SLC22A11: variants seen among roughly 807,000 people sequenced by gnomAD.
SLC22A11 encodes solute carrier family 22 member 11.
A neutral mutation model predicts 49.4 loss-of-function variants in SLC22A11; 42 were observed. The observed-to-expected ratio is 0.85, with a 90% CI of 0.66 to 1.10. SLC22A11 has a LOEUF of 1.10. Among genes scored for constraint, SLC22A11 ranks in the 50% least tolerant of loss-of-function variants. The probability of loss-of-function intolerance (pLI) is 0.00; values close to 1 mark genes in which losing one functional copy is unlikely to be tolerated. For synonymous variants in SLC22A11, 304 were observed against 315.8 expected (o/e 0.96, Z 0.40); for missense variants, 685 against 731.6 (o/e 0.94, Z 0.74).
At chr11:64,570,669 A>G (rs543391387) in intron 9 of SLC22A11, among the ~76,000 whole-genome samples, 33 of 152,194 alleles carry the variant, frequency 2.2e-4, no homozygotes, top group Non-Finnish European at 4.3e-4. Flanking sequence ...CGATACAACA[A>G]CCACATGAGG....
intron 1 of SLC22A11, among the ~76,000 whole-genome samples, chr11:64,556,834 G>A (rs1229602676): frequency 2.0e-5 from 3 of 152,190 alleles, no homozygotes; most frequent in Non-Finnish European, 1.5e-5. Context: ...GAGGCTGGGG[G>A]CAGAGGGGGG....
Position 64,559,125 on chromosome 11 carries a change from C to T in SLC22A11, c.394-10C>T. The T allele has an allele frequency of 1.2e-6, 2 of 1,610,284 alleles. No individual in the cohort carries two copies. The highest frequency in any genetic ancestry group is 2.2e-5 in the South Asian group (2 of 90,998). ...CCCCCGAGCTGAGCCACTGCACCCT[C>T]CTCTTGCAGTGGGACCTGGTGTGCA... On this transcript the variant is annotated splice_polypyrimidine_tract_variant and intron_variant, in intron 1 of 9. Coordinates refer to ENST00000301891, the MANE Select transcript of SLC22A11 (RefSeq NM_018484.4).
At position 64,572,695 on chromosome 11, in the gene SLC22A11, C is replaced by T. The variant is rs2038719501; in HGVS notation, c.*1653C>T. ...GCTTATTAAGAAACGCAATCCAAAC[C>T]AAATCCCTCCCTGCTGAAAGCCCTC... On this transcript the variant is annotated 3_prime_UTR_variant, in exon 10 of 10. Transcript: ENST00000301891. The T allele has an allele frequency of 6.6e-6, 1 of 152,236 alleles. No homozygotes were observed. Among genetic ancestry groups the T allele is most frequent in the African/African-American group, 2.4e-5 (1 of 41,456 alleles). The allele number at this position is 152,236 out of a possible 1,614,324, so 9.4% of individuals were successfully genotyped here.
intron 1 of SLC22A11, among the ~76,000 whole-genome samples, chr11:64,557,920 C>T (rs1298953425): frequency 6.6e-6 from 1 of 151,836 alleles, no homozygotes; most frequent in Non-Finnish European, 1.5e-5. Context: ...GCCTCAGCCT[C>T]CCGAGTAGCT....
At chr11:64,566,943 G>T (rs913540055) in intron 6 of SLC22A11, among the ~76,000 whole-genome samples, 2 of 152,120 alleles carry the variant, frequency 1.3e-5, no homozygotes, top group African/African-American at 2.4e-5. Flanking sequence ...CCAGTGGGGT[G>T]GGGGAGTGGG....
rs763160182 is a variant in SLC22A11, at chr11:64,565,345, G to A, written c.1058+8G>A. On this transcript the variant is annotated splice_region_variant and intron_variant, in intron 6 of 9. Coordinates refer to ENST00000301891, the MANE Select transcript of SLC22A11 (RefSeq NM_018484.4). The surrounding 1 kb of genome is among the most constrained non-coding windows in gnomAD (Gnocchi z 4.1). Reference sequence around the variant, plus strand: ...CGCCATGCTGGTGGTGAAGTACGCCGTCCTGGTGTCCCTCCCCAAGGCAGG... The same window carrying A: ...CGCCATGCTGGTGGTGAAGTACGCCATCCTGGTGTCCCTCCCCAAGGCAGG... 25 of 1,544,784 alleles carry A rather than the reference G, an allele frequency of 1.6e-5. No homozygotes were observed. The highest frequency in any genetic ancestry group is 9.8e-5 in the Admixed American group (5 of 50,998).
intron 1 of SLC22A11, among the ~76,000 whole-genome samples, chr11:64,558,528 G>A (rs1485862083): frequency 2.0e-5 from 3 of 152,212 alleles, no homozygotes; most frequent in African/African-American, 7.2e-5. Flanking sequence ...AAATCCCAGT[G>A]AACCGTGCCA....
At chr11:64,570,852 C>T in intron 9 of SLC22A11, 127 bp from the exon 10 acceptor site, 1 of 810,246 alleles carries the variant, frequency 1.2e-6, no homozygotes, top group Non-Finnish European at 2.1e-6. Flanking sequence ...CTTGGGTACA[C>T]AGAAGGGAGT....
At chr11:64,568,847 G>C (rs1015293269) in intron 8 of SLC22A11, 69 bp downstream of exon 8, 6 of 1,414,764 alleles carry the variant, frequency 4.2e-6, no homozygotes, top group Non-Finnish European at 6.0e-6. Context: ...GGAAGGGAAA[G>C]AAGGGTCTGG....
chr11:64,571,405 A>G lies in SLC22A11; in HGVS notation c.*363A>G, dbSNP rs2038701933. On this transcript the variant is annotated 3_prime_UTR_variant, in exon 10 of 10. Coordinates refer to ENST00000301891, the MANE Select transcript of SLC22A11 (RefSeq NM_018484.4). Reference sequence around the variant, plus strand: ...GACTGGGTTCCAATCTCACCCCACCACATACAGAGCCCTCATCTGTGAAAT... The same window carrying G: ...GACTGGGTTCCAATCTCACCCCACCGCATACAGAGCCCTCATCTGTGAAAT... The G allele has an allele frequency of 1.6e-5, 4 of 252,900 alleles. No individual in the cohort carries two copies. Among genetic ancestry groups the G allele is most frequent in the Non-Finnish European group, 3.1e-5 (4 of 129,334 alleles). 15.7% of individuals were successfully genotyped at this position (252,900 alleles called of 1,614,324 possible).
Position 64,556,265 on chromosome 11 carries a change from G to T in SLC22A11, c.266G>T (p.Arg89Leu). The part of the protein sequence containing the change: ...NQGPHQCRRF[R>L]QPQWQLLDPN... ...GGGCCCCACCAGTGCCGCCGCTTCC[G>T]CCAGCCACAGTGGCAGCTCTTGGAC... Residue 89 changes from arginine (R) to leucine (L), a missense_variant, in exon 1 of 10, where the codon CGC (arginine) becomes CTC (leucine). Coordinates refer to ENST00000301891, the MANE Select transcript of SLC22A11 (RefSeq NM_018484.4). 6.2e-7 allele frequency: 1 copy of T among 1,611,780 alleles called. No individual in the cohort carries two copies. The highest frequency in any genetic ancestry group is 8.5e-7 in the Non-Finnish European group (1 of 1,179,770).
At chr11:64,557,046 T>C (rs1466315894) in intron 1 of SLC22A11, among the ~76,000 whole-genome samples, 1 of 152,158 alleles carries the variant, frequency 6.6e-6, no homozygotes, top group Non-Finnish European at 1.5e-5. Context: ...GCAGGGAGAC[T>C]TCAAGAAGCA....
chr11:64,562,111 TG>T lies in SLC22A11; in HGVS notation c.607del (p.Ala203ProfsTer10). The T allele has an allele frequency of 1.2e-6, 2 of 1,613,910 alleles. No homozygotes were observed. Among genetic ancestry groups the T allele is most frequent in the Non-Finnish European group, 1.7e-6 (2 of 1,180,032 alleles). ...TFVIYCGLRF[V>X]AAFGMAGIFL... Reference sequence around the variant, plus strand: ...GTCATCTACTGCGGCCTGCGGTTCGTGGCCGCTTTTGGGATGGCCGGCATCT... The same window carrying T: ...GTCATCTACTGCGGCCTGCGGTTCGTGCCGCTTTTGGGATGGCCGGCATCT... On this transcript the variant is annotated frameshift_variant, in exon 3 of 10. Coordinates refer to ENST00000301891, the MANE Select transcript of SLC22A11 (RefSeq NM_018484.4). LOFTEE classifies it high-confidence loss of function. This position sits in a 1 kb window ranked among gnomAD's most constrained non-coding sequence, Gnocchi z 4.4.
At chr11:64,559,110 G>T in intron 1 of SLC22A11, 25 bp from the exon 2 acceptor site, 1 of 1,604,356 alleles carries the variant, frequency 6.2e-7, no homozygotes, top group Non-Finnish European at 8.5e-7. Context: ...CCCCCGAGCT[G>T]AGCCACTGCA....
chr11:64,565,148 C>A lies in SLC22A11; in HGVS notation c.943-74C>A. On this transcript the variant is annotated intron_variant, in intron 5 of 9. Coordinates refer to ENST00000301891, the MANE Select transcript of SLC22A11 (RefSeq NM_018484.4). The surrounding 1 kb of genome is among the most constrained non-coding windows in gnomAD (Gnocchi z 4.1). ...CTCCCCGTCACTCTGGCCACTTGGA[C>A]ACTGTTCTCTGGCACAGGGGGTGGG... The A allele has an allele frequency of 8.2e-7, 1 of 1,213,130 alleles. No homozygotes were observed. The highest frequency in any genetic ancestry group is 1.2e-6 in the Non-Finnish European group (1 of 868,786). The allele number at this position is 1,213,130 out of a possible 1,614,324, so 75.1% of individuals were successfully genotyped here.
At chr11:64,567,126 T>C (rs2135425518) in intron 6 of SLC22A11, among the ~76,000 whole-genome samples, 1 of 151,996 alleles carries the variant, frequency 6.6e-6, no homozygotes, top group African/African-American at 2.4e-5. Context: ...TCCCAGGGGC[T>C]GGGGGACAGG....
chr11:64,560,648 C>T (rs1380766819), intron 2 of SLC22A11, among the ~76,000 whole-genome samples: 1 of 152,252 alleles, frequency 6.6e-6, no homozygotes, highest in Non-Finnish European at 1.5e-5. Flanking sequence ...ACTGTCCCAG[C>T]CCCTCCTTGC....
At chr11:64,556,903 C>A (rs2135418602) in intron 1 of SLC22A11, among the ~76,000 whole-genome samples, 1 of 152,012 alleles carries the variant, frequency 6.6e-6, no homozygotes, top group East Asian at 1.9e-4. Context: ...TGAGGAAGCG[C>A]CAGATGGGCC....
At chr11:64,558,125 A>G (rs901885815) in intron 1 of SLC22A11, among the ~76,000 whole-genome samples, 1 of 152,052 alleles carries the variant, frequency 6.6e-6, no homozygotes, top group African/African-American at 2.4e-5. Context: ...AGTAGATATG[A>G]GGTCTGACTA....
Sources: gnomAD v4.1 joint callset for allele counts (sites outside exome capture counted in the v4.1 genomes callset) on GRCh38, gnomAD v4.1.1 for gene constraint, Gnocchi (gnomAD v3.1) non-coding constraint, MANE v1.5 for transcripts, NCBI Gene and HGNC (gene_info 2026-07-23, HGNC 2026-07-21) for gene names.